Variants in TSPAN18 observed in about 807,000 individuals in gnomAD.
TSPAN18 encodes the protein tetraspanin 18, also known as tetraspanin-18.
Under a neutral mutation model 27.3 loss-of-function variants are expected in TSPAN18, and 14 were observed. That is an observed-to-expected ratio of 0.51 (90% CI 0.34 to 0.80). The LOEUF (loss-of-function observed/expected upper bound fraction) is 0.80. TSPAN18 is among the 30% of genes least tolerant of loss of function. The pLI is 0.01. For missense variants in TSPAN18, 268 were observed against 323.9 expected (o/e 0.83, Z 1.32); for synonymous variants, 143 against 136.5 (o/e 1.05, Z -0.33).
At chr11:44,909,629 G>A in intron 4 of TSPAN18, 76 bp from the exon 5 acceptor site, 1 of 1,482,734 alleles carries the variant, frequency 6.7e-7, no homozygotes, top group South Asian at 1.3e-5. Flanking sequence ...GCTGGCTCAG[G>A]GGAGTGGTGG....
chr11:44,930,620 AC>A lies in TSPAN18; in HGVS notation c.*1443del. ...ACACCCACAAGTATTCAGTTCTCAA[AC>A]TCTAGACGAGTGTTGGCAACTGGAT... On this transcript the variant is annotated 3_prime_UTR_variant, in exon 10 of 10. Transcript: ENST00000520358. The A allele has an allele frequency of 3.0e-6, 1 of 331,174 alleles. No individual in the cohort carries two copies. Among genetic ancestry groups the A allele is most frequent in the South Asian group, 2.3e-5 (1 of 43,358 alleles). The allele number at this position is 331,174 out of a possible 1,614,324, so 20.5% of individuals were successfully genotyped here.
At chr11:44,769,976 A>C (rs2134912219) in intron 2 of TSPAN18, among the ~76,000 whole-genome samples, 1 of 152,250 alleles carries the variant, frequency 6.6e-6, no homozygotes, top group East Asian at 1.9e-4. Flanking sequence ...TCTGCATCTC[A>C]ATTTTTACAT....
intron 8 of TSPAN18, chr11:44,925,775 A>C (rs965775338): frequency 6.6e-6 from 1 of 151,852 alleles, no homozygotes; most frequent in Non-Finnish European, 1.5e-5. Flanking sequence ...AAGTTCTCCC[A>C]CTTTGAAAAT....
At chr11:44,798,168 C>T (rs1856394213) in intron 2 of TSPAN18, among the ~76,000 whole-genome samples, 1 of 152,220 alleles carries the variant, frequency 6.6e-6, no homozygotes, top group African/African-American at 2.4e-5. Context: ...CTCCCACACT[C>T]AGCTCTTAGG....
At chr11:44,771,073 G>A (rs1855680043) in intron 2 of TSPAN18, among the ~76,000 whole-genome samples, 1 of 152,172 alleles carries the variant, frequency 6.6e-6, no homozygotes, top group Admixed American at 6.5e-5. Flanking sequence ...AGAGCCATCA[G>A]CTTATAGAGA....
At chr11:44,829,271 G>A (rs142883110) in intron 2 of TSPAN18, among the ~76,000 whole-genome samples, 1 of 152,218 alleles carries the variant, frequency 6.6e-6, no homozygotes, top group Non-Finnish European at 1.5e-5. Flanking sequence ...AATGACATGT[G>A]TCTACCGGTA....
intron 2 of TSPAN18, among the ~76,000 whole-genome samples, chr11:44,770,408 C>G (rs1565141503): frequency 6.6e-6 from 1 of 152,012 alleles, no homozygotes; most frequent in African/African-American, 2.4e-5. Context: ...GGGGAAGAGG[C>G]TTCCTGTTTG....
chr11:44,774,755 T>TTGATCTCAACAACCAGGTTTG (rs1312768742), intron 2 of TSPAN18, among the ~76,000 whole-genome samples: 49 of 152,330 alleles, frequency 3.2e-4, no homozygotes, highest in African/African-American at 1.1e-3. Context: ...CACCACCTGA[T>TTGATCTCAACAACCAGGTTTG]AGAACAACCA....
intron 3 of TSPAN18, among the ~76,000 whole-genome samples, chr11:44,872,655 A>T (rs1309560324): frequency 6.6e-6 from 1 of 152,222 alleles, no homozygotes; most frequent in East Asian, 1.9e-4. Context: ...CTCTGCTTTA[A>T]TGCTTTACAT....
intron 2 of TSPAN18, among the ~76,000 whole-genome samples, chr11:44,779,129 C>G (rs1030148382): frequency 5.3e-5 from 8 of 152,040 alleles, no homozygotes; most frequent in Non-Finnish European, 1.0e-4. Flanking sequence ...ACCCCCACAG[C>G]CCTTTTTGGC....
At chr11:44,779,440 A>G (rs182021164) in intron 2 of TSPAN18, among the ~76,000 whole-genome samples, 26 of 152,138 alleles carry the variant, frequency 1.7e-4, no homozygotes, top group African/African-American at 6.0e-4. Flanking sequence ...GGAATGGTCA[A>G]CTGGTTTTAG....
intron 3 of TSPAN18, among the ~76,000 whole-genome samples, chr11:44,868,180 A>T (rs1281355537): frequency 6.6e-6 from 1 of 152,042 alleles, no homozygotes; most frequent in Non-Finnish European, 1.5e-5. Context: ...CCCTCAGGGG[A>T]CGCAGTTGGA....
At chr11:44,881,921 C>T (rs974740135) in intron 3 of TSPAN18, among the ~76,000 whole-genome samples, 1 of 152,222 alleles carries the variant, frequency 6.6e-6, no homozygotes, top group African/African-American at 2.4e-5. Flanking sequence ...AATCTCTTCT[C>T]TAATAACATT....
chr11:44,733,991 A>T (rs1427858527), intron 1 of TSPAN18, among the ~76,000 whole-genome samples: 1 of 152,132 alleles, frequency 6.6e-6, no homozygotes, highest in Non-Finnish European at 1.5e-5. Flanking sequence ...CGGATCCCTC[A>T]TGAGTGGCCT....
rs748488979 is a variant in TSPAN18, at chr11:44,903,660, C to T, written c.-10-2747C>T. Reference sequence around the variant, plus strand: ...GAGGCTGGAGATGTTTCAGAGACCCCTGTGATAGAGAGGATGATGTCATCC... The same window carrying T: ...GAGGCTGGAGATGTTTCAGAGACCCTTGTGATAGAGAGGATGATGTCATCC... On this transcript the variant is annotated intron_variant, in intron 3 of 9. Coordinates refer to ENST00000520358, the MANE Select transcript of TSPAN18 (RefSeq NM_130783.5). 7.4e-5 allele frequency: 34 copies of T among 456,508 alleles called. 2 individuals are homozygous for T. Among genetic ancestry groups the T allele is most frequent in the South Asian group, 5.1e-4 (33 of 64,560 alleles). 28.3% of individuals were successfully genotyped at this position (456,508 alleles called of 1,614,324 possible).
intron 2 of TSPAN18, among the ~76,000 whole-genome samples, chr11:44,782,659 C>T (rs191353520): frequency 4.3e-4 from 65 of 152,224 alleles, no homozygotes; most frequent in African/African-American, 1.6e-3. Flanking sequence ...TTCTCCACAT[C>T]CTAGTCAATG....
intron 2 of TSPAN18, among the ~76,000 whole-genome samples, chr11:44,849,982 G>A (rs1857562646): frequency 6.6e-6 from 1 of 152,102 alleles, no homozygotes; most frequent in African/African-American, 2.4e-5. Context: ...CCCAGGATGG[G>A]GTCTCTCCTG....
At chr11:44,805,718 G>A (rs866342475) in intron 2 of TSPAN18, among the ~76,000 whole-genome samples, 2 of 152,196 alleles carry the variant, frequency 1.3e-5, no homozygotes, top group Non-Finnish European at 2.9e-5. Flanking sequence ...TCAAAGTCAA[G>A]GTGCTGGCAG....
chr11:44,791,419 C>T (rs1856217836), intron 2 of TSPAN18, among the ~76,000 whole-genome samples: 1 of 152,232 alleles, frequency 6.6e-6, no homozygotes, highest in African/African-American at 2.4e-5. Flanking sequence ...TACACCAGGT[C>T]CCCTGAAGAG....
Sources: gnomAD v4.1 joint callset for allele counts (sites outside exome capture counted in the v4.1 genomes callset) on GRCh38, gnomAD v4.1.1 for gene constraint, MANE v1.5 for transcripts, NCBI Gene and HGNC (gene_info 2026-07-23, HGNC 2026-07-21) for gene names.